The following FBXL7 variants were observed in gnomAD, a reference collection of about 807,000 sequenced individuals.
FBXL7 encodes F-box/LRR-repeat protein 7.
A neutral mutation model predicts 38.3 loss-of-function variants in FBXL7; 12 were observed. That is an observed-to-expected ratio of 0.31 (90% confidence interval 0.20 to 0.51). The LOEUF (loss-of-function observed/expected upper bound fraction) is 0.51. FBXL7 is among the 20% of genes least tolerant of loss of function. The pLI, the probability that FBXL7 is intolerant of heterozygous loss-of-function variation, is 0.98. For missense variants in FBXL7, 567 were observed against 676.4 expected (o/e 0.84, Z 1.79); for synonymous variants, 297 against 300.9 (o/e 0.99, Z 0.13).
At chr5:15,900,783 C>T (rs1741215670) in intron 2 of FBXL7, among the ~76,000 whole-genome samples, 1 of 152,224 alleles carries the variant, frequency 6.6e-6, no homozygotes, top group Admixed American at 6.5e-5. Flanking sequence ...ATCATTGCTA[C>T]TCCAACTTCT....
At chr5:15,800,786 G>A (rs1737543280) in intron 2 of FBXL7, among the ~76,000 whole-genome samples, 1 of 152,140 alleles carries the variant, frequency 6.6e-6, no homozygotes, top group Non-Finnish European at 1.5e-5. Flanking sequence ...ATTTTTGGGA[G>A]GCCATAAGGC....
At chr5:15,588,749 T>A (rs1352567805) in intron 1 of FBXL7, among the ~76,000 whole-genome samples, 1 of 152,212 alleles carries the variant, frequency 6.6e-6, no homozygotes, top group Non-Finnish European at 1.5e-5. Context: ...TATTTAACTT[T>A]CTTCCCAATT....
At chr5:15,770,877 T>C (rs1037217707) in intron 2 of FBXL7, among the ~76,000 whole-genome samples, 6 of 152,140 alleles carry the variant, frequency 3.9e-5, no homozygotes, top group Non-Finnish European at 8.8e-5. Context: ...TGATTATTTG[T>C]ACCCATGATG....
intron 1 of FBXL7, among the ~76,000 whole-genome samples, chr5:15,610,395 C>G (rs570088231): frequency 1.3e-5 from 2 of 152,128 alleles, no homozygotes; most frequent in Non-Finnish European, 2.9e-5. Flanking sequence ...CTGGACTTTC[C>G]GTATGTACAA....
intron 1 of FBXL7, among the ~76,000 whole-genome samples, chr5:15,538,175 T>C (rs1424543040): frequency 6.6e-6 from 1 of 152,162 alleles, no homozygotes; most frequent in Non-Finnish European, 1.5e-5. Context: ...AGGACCAAAA[T>C]AAATTACACT....
intron 2 of FBXL7, among the ~76,000 whole-genome samples, chr5:15,897,534 A>C (rs1393970889): frequency 6.6e-6 from 1 of 152,214 alleles, no homozygotes; most frequent in Non-Finnish European, 1.5e-5. Context: ...CCCAGGAAAT[A>C]CTTTATGAAG....
At chr5:15,716,314 A>G (rs1328857415) in intron 2 of FBXL7, among the ~76,000 whole-genome samples, 2 of 152,224 alleles carry the variant, frequency 1.3e-5, no homozygotes, top group South Asian at 2.1e-4. Context: ...GTCTCTATCA[A>G]TACTTGCCTT....
At chr5:15,827,576 T>G (rs148334382) in intron 2 of FBXL7, among the ~76,000 whole-genome samples, 1 of 152,342 alleles carries the variant, frequency 6.6e-6, no homozygotes, top group East Asian at 1.9e-4. Flanking sequence ...TGTCATCATA[T>G]GGCGAAAGGC....
At chr5:15,845,261 C>A (rs1024515336) in intron 2 of FBXL7, among the ~76,000 whole-genome samples, 2 of 152,208 alleles carry the variant, frequency 1.3e-5, no homozygotes, top group African/African-American at 4.8e-5. Context: ...TCTTCTGATG[C>A]GGTGAATTGA....
intron 2 of FBXL7, among the ~76,000 whole-genome samples, chr5:15,772,343 A>G (rs543991791): frequency 2.6e-5 from 4 of 152,204 alleles, no homozygotes; most frequent in African/African-American, 9.6e-5. Context: ...TCAGCAAGAA[A>G]GGTGAAGGCA....
chr5:15,816,079 T>C (rs1738005452), intron 2 of FBXL7, among the ~76,000 whole-genome samples: 1 of 152,146 alleles, frequency 6.6e-6, no homozygotes, highest in Non-Finnish European at 1.5e-5. Context: ...ATGCTTGACC[T>C]CATCACTGTT....
At chr5:15,902,004 A>G (rs187591278) in intron 2 of FBXL7, among the ~76,000 whole-genome samples, 103 of 152,296 alleles carry the variant, frequency 6.8e-4, no homozygotes, top group Admixed American at 2.9e-3. Context: ...ACTTGCATAT[A>G]ATAGGCCCCA....
intron 2 of FBXL7, among the ~76,000 whole-genome samples, chr5:15,681,340 G>A (rs1742836510): frequency 6.6e-6 from 1 of 152,050 alleles, no homozygotes; most frequent in Non-Finnish European, 1.5e-5. Context: ...CATCAGTAGG[G>A]GACTTTGTTA....
intron 1 of FBXL7, among the ~76,000 whole-genome samples, chr5:15,611,950 C>T (rs190946588): frequency 2.3e-4 from 35 of 151,480 alleles, no homozygotes; most frequent in African/African-American, 7.5e-4. Context: ...CACTACACTC[C>T]AGCTTGGGTA....
At chr5:15,617,701 A>G (rs1237356952) in intron 2 of FBXL7, among the ~76,000 whole-genome samples, 3 of 152,156 alleles carry the variant, frequency 2.0e-5, no homozygotes, top group Non-Finnish European at 4.4e-5. Flanking sequence ...AGCCTCCCAA[A>G]GTGCTGGGAT....
At chr5:15,720,529 T>C (rs1242316896) in intron 2 of FBXL7, among the ~76,000 whole-genome samples, 2 of 148,876 alleles carry the variant, frequency 1.3e-5, no homozygotes, top group Non-Finnish European at 3.0e-5. Context: ...TATCATTGAA[T>C]AACTTACTAA....
rs1736642616 is a variant in FBXL7 at position 15,768,320 on chromosome 5, A to G, written c.127+152248A>G. Among the ~76,000 whole-genome samples, 2 of 152,090 alleles carry G rather than the reference A, an allele frequency of 1.3e-5. 1 individual carries two copies. The highest frequency in any genetic ancestry group is 4.1e-4 in the South Asian group (2 of 4,826). ...GCCGAGGCAGGTGGATCATGAGGTC[A>G]GGAGATCGAGACCATCCTGGCTAAC... On this transcript the variant is annotated intron_variant, in intron 2 of 3. Transcript: ENST00000504595.
At chr5:15,538,979 G>GA (rs1426126082) in intron 1 of FBXL7, among the ~76,000 whole-genome samples, 1 of 152,114 alleles carries the variant, frequency 6.6e-6, no homozygotes, top group Admixed American at 6.5e-5. Flanking sequence ...AGTGGTAGAA[G>GA]AAAAAACTTC....
chr5:15,681,717 C>A (rs952094643), intron 2 of FBXL7, among the ~76,000 whole-genome samples: 1 of 152,300 alleles, frequency 6.6e-6, no homozygotes, highest in South Asian at 2.1e-4. Context: ...ATACAGCCAT[C>A]TATACTTTGA....
Sources: allele counts gnomAD v4.1 joint callset (sites outside exome capture counted in the v4.1 genomes callset), GRCh38; gene constraint gnomAD v4.1.1; transcripts MANE v1.5; gene names NCBI Gene and HGNC (gene_info 2026-07-23, HGNC 2026-07-21).